The following SGK3 variants were observed in gnomAD, a reference collection of about 807,000 sequenced individuals.
SGK3 encodes serum/glucocorticoid regulated kinase family member 3.
Under a neutral mutation model 68.5 loss-of-function variants are expected in SGK3, and 47 were observed. The observed-to-expected ratio is 0.69, with a 90% CI of 0.54 to 0.87. The LOEUF (loss-of-function observed/expected upper bound fraction) is 0.87. Ranked by LOEUF, SGK3 falls within the 40% of genes least tolerant of loss-of-function variation. The pLI, the probability that SGK3 is intolerant of heterozygous loss-of-function variation, is 0.00. For synonymous variants in SGK3, 181 were observed against 189.1 expected (o/e 0.96, Z 0.35); for missense variants, 479 against 575.5 (o/e 0.83, Z 1.72).
At chr8:66,734,524 G>A (rs1296955920) in intron 1 of SGK3, among the ~76,000 whole-genome samples, 2 of 152,088 alleles carry the variant, frequency 1.3e-5, no homozygotes, top group African/African-American at 2.4e-5. Flanking sequence ...CAAAGGTACT[G>A]TGGGTTTTCT....
In SGK3 at chr8:66,816,337, C is replaced by CTTTTTTTT. The variant is rs1177867449; in HGVS notation, c.329+2422_329+2429dup. ...TCTTTTTAGCAAAATGTGACATTTC[C>CTTTTTTTT]TTTTTTTTTTTTTTTTTTTTGTGTG... On this transcript the variant is annotated intron_variant, in intron 5 of 16. Transcript: ENST00000521198. Among the ~76,000 whole-genome samples the CTTTTTTTT allele has an allele frequency of 1.7e-3, 190 of 114,118 alleles. 7 individuals carry two copies. Among genetic ancestry groups the CTTTTTTTT allele is most frequent in the African/African-American group, 6.3e-3 (179 of 28,364 alleles). The allele number at this position is 114,118 out of a possible 152,430, so 74.9% of individuals were successfully genotyped here. A position where few individuals can be genotyped will look rare whatever the true frequency, so the allele number is the denominator to read the frequency against.
chr8:66,722,603 C>A (rs1400872900), intron 1 of SGK3, among the ~76,000 whole-genome samples: 2 of 152,250 alleles, frequency 1.3e-5, no homozygotes, highest in African/African-American at 2.4e-5. Context: ...AGCCTCCCAA[C>A]AACATGGTGC....
At chr8:66,720,200 A>T (rs1188060592) in intron 1 of SGK3, among the ~76,000 whole-genome samples, 1 of 152,220 alleles carries the variant, frequency 6.6e-6, no homozygotes, top group African/African-American at 2.4e-5. Context: ...CAATATTCGT[A>T]TTATAAGTTC....
At chr8:66,742,212 G>A (rs190607086) in intron 1 of SGK3, among the ~76,000 whole-genome samples, 1 of 152,244 alleles carries the variant, frequency 6.6e-6, no homozygotes, top group Admixed American at 6.5e-5. Context: ...TCAGAGACTT[G>A]CTTGCTCTTT....
At chr8:66,817,833 C>A (rs1175330977) in intron 5 of SGK3, among the ~76,000 whole-genome samples, 1 of 152,056 alleles carries the variant, frequency 6.6e-6, no homozygotes, top group Non-Finnish European at 1.5e-5. Context: ...AAACTTTGTG[C>A]ACGGTGGCTC....
intron 2 of SGK3, among the ~76,000 whole-genome samples, chr8:66,795,567 C>G (rs1270887266): frequency 1.3e-5 from 2 of 152,092 alleles, no homozygotes; most frequent in South Asian, 4.1e-4. Flanking sequence ...TGGAAGTTCA[C>G]ACATAGCAAA....
chr8:66,833,048 G>A (rs979697129), intron 8 of SGK3, among the ~76,000 whole-genome samples: 2 of 151,392 alleles, frequency 1.3e-5, no homozygotes, highest in African/African-American at 4.9e-5. Flanking sequence ...TCCCAGCCTG[G>A]AGTGCAGAGT....
At chr8:66,747,865 AGT>A (rs1321884941) in intron 1 of SGK3, among the ~76,000 whole-genome samples, 1 of 152,184 alleles carries the variant, frequency 6.6e-6, no homozygotes, top group Non-Finnish European at 1.5e-5. Flanking sequence ...TGATTTGTTA[AGT>A]CTCTATTAAA....
intron 1 of SGK3, among the ~76,000 whole-genome samples, chr8:66,715,773 T>C (rs1470499255): frequency 6.6e-6 from 1 of 152,194 alleles, no homozygotes; most frequent in African/African-American, 2.4e-5. Context: ...TCCAGGTGGA[T>C]AACCTTCAAT....
intron 16 of SGK3, among the ~76,000 whole-genome samples, chr8:66,859,024 A>G (rs1389310933): frequency 1.3e-5 from 2 of 152,258 alleles, no homozygotes; most frequent in African/African-American, 4.8e-5. Context: ...CAAATTCATA[A>G]AGGAGTTGTA....
intron 1 of SGK3, among the ~76,000 whole-genome samples, chr8:66,713,036 A>G (rs1804535358): frequency 6.6e-6 from 1 of 152,182 alleles, no homozygotes; most frequent in South Asian, 2.1e-4. Context: ...CTGCCTCGAG[A>G]TTCCTAAACG....
chr8:66,847,232 A>G lies in SGK3; in HGVS notation c.1114A>G (p.Asn372Asp). 3 of 1,613,602 alleles carry G rather than the reference A, an allele frequency of 1.9e-6. No individual in the cohort carries two copies. The highest frequency in any genetic ancestry group is 1.7e-6 in the Non-Finnish European group (2 of 1,179,906). Reference protein sequence around the residue: ...YCRDVAEMYDNILHKPLSLRP... With the variant: ...YCRDVAEMYDDILHKPLSLRP... ...CCGAGATGTTGCTGAAATGTATGAC[A>G]ATATCCTTCACAAACCCCTAAGTTT... The change falls in exon 15 of 17, where the codon AAT (asparagine) becomes GAT (aspartate). Residue 372 changes from asparagine (N) to aspartate (D), a missense_variant. Around this residue, in one of 3 missense-constraint regions of SGK3, gnomAD observed 173 missense variants for 214.3 expected, o/e 0.81. Coordinates refer to ENST00000521198, the MANE Select transcript of SGK3 (RefSeq NM_001033578.3).
intron 8 of SGK3, among the ~76,000 whole-genome samples, chr8:66,835,046 G>A (rs1177898333): frequency 6.6e-6 from 1 of 152,196 alleles, no homozygotes; most frequent in Middle Eastern, 3.4e-3. Flanking sequence ...GAGGCAGGTG[G>A]ATCACTTGAG....
At chr8:66,851,946 A>T (rs1042744746) in intron 16 of SGK3, among the ~76,000 whole-genome samples, 1 of 152,126 alleles carries the variant, frequency 6.6e-6, no homozygotes, top group African/African-American at 2.4e-5. Context: ...TTTATAAATG[A>T]GGAAATAGAA....
chr8:66,856,352 C>T (rs1810506718), intron 16 of SGK3, among the ~76,000 whole-genome samples: 1 of 152,168 alleles, frequency 6.6e-6, no homozygotes, highest in South Asian at 2.1e-4. Context: ...CAGGCATGAG[C>T]CACCGTGCCT....
chr8:66,746,216 C>T (rs1478869765), intron 1 of SGK3, among the ~76,000 whole-genome samples: 4 of 152,278 alleles, frequency 2.6e-5, no homozygotes, highest in East Asian at 1.9e-4. Context: ...TCTTAGGTTT[C>T]GCCCTCCAAC....
intron 1 of SGK3, among the ~76,000 whole-genome samples, chr8:66,758,496 G>T (rs1225667944): frequency 6.6e-6 from 1 of 152,008 alleles, no homozygotes. Context: ...ACCTGTTTCT[G>T]CATTCAAACT....
At chr8:66,847,570 A>G (rs1223927204) in intron 15 of SGK3, among the ~76,000 whole-genome samples, 1 of 152,154 alleles carries the variant, frequency 6.6e-6, no homozygotes, top group Admixed American at 6.5e-5. Flanking sequence ...TATCCACCAC[A>G]TACACTTTCG....
At chr8:66,852,038 A>G (rs1810312383) in intron 16 of SGK3, among the ~76,000 whole-genome samples, 1 of 152,100 alleles carries the variant, frequency 6.6e-6, no homozygotes, top group South Asian at 2.1e-4. Flanking sequence ...CTGTTTCCTT[A>G]TGCTCTGTTG....
Sources: gnomAD v4.1 joint callset for allele counts (sites outside exome capture counted in the v4.1 genomes callset) on GRCh38, gnomAD v4.1.1 for gene constraint, gnomAD v4.1.1 regional missense constraint, MANE v1.5 for transcripts, NCBI Gene and HGNC (gene_info 2026-07-23, HGNC 2026-07-21) for gene names.